TOP1: variants seen among roughly 807,000 people sequenced by gnomAD.
The protein encoded by TOP1 is DNA topoisomerase I.
A neutral mutation model predicts 111.1 loss-of-function variants in TOP1; 10 were observed. The ratio of observed to expected loss-of-function variants is 0.09; its 90% CI spans 0.06 to 0.15. The LOEUF (loss-of-function observed/expected upper bound fraction) is 0.15. Ranked by LOEUF, TOP1 falls within the 10% of genes least tolerant of loss-of-function variation. The pLI, the probability that TOP1 is intolerant of heterozygous loss-of-function variation, is 1.00. For missense variants in TOP1, 474 were observed against 926.7 expected, an observed-to-expected ratio of 0.51 and a Z score of 6.34; for synonymous variants, 271 against 302.9, an observed-to-expected ratio of 0.89 and a Z score of 1.10.
intron 7 of TOP1, 92 bp from the exon 8 acceptor site, chr20:41,084,370 T>G: frequency 1.5e-6 from 1 of 660,298 alleles, no homozygotes; most frequent in Non-Finnish European, 2.6e-6. Flanking sequence ...TACTCTATGA[T>G]TACAATTTTT....
In TOP1 at chr20:41,067,245, G is replaced by A. The variant is rs190262716; in HGVS notation, c.155+5755G>A. ...AGCGATTCTCCTGCCTCAGCCTCCC[G>A]AGTAGCTGGGACTTACAGGCGCCTG... On this transcript the variant is annotated intron_variant, in intron 3 of 20. Transcript: ENST00000361337. The surrounding 1 kb of genome is among the most constrained non-coding windows in gnomAD (Gnocchi z 4.0). Among the ~76,000 whole-genome samples the A allele has an allele frequency of 5.1e-4, 77 of 151,766 alleles. 1 individual carries two copies. Among genetic ancestry groups the A allele is most frequent in the Middle Eastern group, 3.4e-3 (1 of 294 alleles).
chr20:41,059,546 G>A (rs2033519465), intron 2 of TOP1, among the ~76,000 whole-genome samples: 1 of 151,816 alleles, frequency 6.6e-6, no homozygotes, highest in African/African-American at 2.4e-5. Flanking sequence ...TTCGAGAGGA[G>A]CCTGCGTAAC....
intron 2 of TOP1, among the ~76,000 whole-genome samples, chr20:41,048,993 G>GATTAA (rs2033368193): frequency 6.6e-6 from 1 of 152,180 alleles, no homozygotes; most frequent in Admixed American, 6.5e-5. Flanking sequence ...TGGAGAGACA[G>GATTAA]ATTAAGGTAA....
In TOP1 at chr20:41,097,959, T is replaced by C. The variant is rs571322452; in HGVS notation, c.853-256T>C. Among the ~76,000 whole-genome samples the C allele has an allele frequency of 9.2e-5, 14 of 152,326 alleles. No individual in the cohort carries two copies. Among genetic ancestry groups the C allele is most frequent in the Non-Finnish European group, 1.9e-4 (13 of 68,026 alleles). Reference sequence around the variant, plus strand: ...CCTGGGGGCTGTGTGCCACGGAGTCTAAGAAACCACATAAGAATTCATTTT... The same window carrying C: ...CCTGGGGGCTGTGTGCCACGGAGTCCAAGAAACCACATAAGAATTCATTTT... On this transcript the variant is annotated intron_variant, in intron 10 of 20. Transcript: ENST00000361337. The surrounding 1 kb of genome is among the most constrained non-coding windows in gnomAD (Gnocchi z 4.2).
At chr20:41,117,471 C>T (rs1341774111) in intron 17 of TOP1, among the ~76,000 whole-genome samples, 4 of 148,044 alleles carry the variant, frequency 2.7e-5, no homozygotes, top group African/African-American at 7.6e-5. Context: ...CTGCAAGCTC[C>T]GCCTCCTGGG....
At chr20:41,093,009 G>C (rs936211279) in intron 9 of TOP1, among the ~76,000 whole-genome samples, 1 of 152,198 alleles carries the variant, frequency 6.6e-6, no homozygotes, top group Non-Finnish European at 1.5e-5. Flanking sequence ...ATTAGTATAT[G>C]GTCGAGGATT....
Position 41,039,390 on chromosome 20 carries a change from C to T in TOP1, c.58+9935C>T, listed in dbSNP as rs191195280. ...AGTGACGTCTCCATTTAGTCCTAAT[C>T]GTGAGTTTTTCCCCCCTTAAAGAAA... On this transcript the variant is annotated intron_variant, in intron 2 of 20. Coordinates refer to ENST00000361337, the MANE Select transcript of TOP1 (RefSeq NM_003286.4). 1.2e-3 allele frequency among the ~76,000 whole-genome samples: 180 copies of T among 152,242 alleles called. 1 individual carries two copies. The highest frequency in any genetic ancestry group is 4.0e-3 in the African/African-American group (166 of 41,546).
At chr20:41,044,349 T>TA (rs1297870876) in intron 2 of TOP1, among the ~76,000 whole-genome samples, 2 of 152,346 alleles carry the variant, frequency 1.3e-5, no homozygotes, top group Non-Finnish European at 2.9e-5. Flanking sequence ...CAGAGATAAG[T>TA]AAAAAAATTC....
rs531098953 is a variant in TOP1 at position 41,092,237 on chromosome 20, G to C, written c.615-235G>C. Reference sequence around the variant, plus strand: ...CTCTTCTGTCCAGTATTCTTAAACTGAGCTGTTGAAATGTATTTTCCTTTA... The same window carrying C: ...CTCTTCTGTCCAGTATTCTTAAACTCAGCTGTTGAAATGTATTTTCCTTTA... On this transcript the variant is annotated intron_variant, in intron 8 of 20. Coordinates refer to ENST00000361337, the MANE Select transcript of TOP1 (RefSeq NM_003286.4). The surrounding 1 kb of genome is among the most constrained non-coding windows in gnomAD (Gnocchi z 4.3). Among the ~76,000 whole-genome samples the C allele has an allele frequency of 3.6e-4, 55 of 152,312 alleles. No individual in the cohort carries two copies. The highest frequency in any genetic ancestry group is 6.9e-4 in the Non-Finnish European group (47 of 68,038).
At chr20:41,041,809 A>T (rs1440673838) in intron 2 of TOP1, among the ~76,000 whole-genome samples, 1 of 152,152 alleles carries the variant, frequency 6.6e-6, no homozygotes, top group East Asian at 1.9e-4. Flanking sequence ...GAACTTTACT[A>T]TCTTATTTGG....
chr20:41,030,900 C>T lies in TOP1; in HGVS notation c.58+1445C>T, dbSNP rs767097597. 2.0e-5 allele frequency among the ~76,000 whole-genome samples: 3 copies of T among 152,306 alleles called. No homozygotes were observed. The South Asian group carries it at 6.2e-4, about 32-fold the overall frequency. ...GCATTTCTTGAGCACCAGATATGTG[C>T]CAACCACTGTGCTTGGTGCTAGAGC... On this transcript the variant is annotated intron_variant, in intron 2 of 20. Transcript: ENST00000361337. The surrounding 1 kb of genome is among the most constrained non-coding windows in gnomAD (Gnocchi z 4.1).
In TOP1 at chr20:41,098,139, A is replaced by T. The variant is rs2034008115; in HGVS notation, c.853-76A>T. The T allele has an allele frequency of 6.7e-7, 1 of 1,491,440 alleles. No homozygotes were observed. Among genetic ancestry groups the T allele is most frequent in the Non-Finnish European group, 9.3e-7 (1 of 1,072,400 alleles). The allele number at this position is 1,491,440 out of a possible 1,614,324, so 92.4% of individuals were successfully genotyped here. On this transcript the variant is annotated intron_variant, in intron 10 of 20. Transcript: ENST00000361337. The surrounding 1 kb of genome is among the most constrained non-coding windows in gnomAD (Gnocchi z 5.7). The stretch of plus-strand genomic sequence containing the variant: ...GACTGAAAAAATGGTGCTTGGGTGT[A>T]TTTGCAAAGAAACCCAAGGACTTAT...
chr20:41,031,424 G>A (rs564224494), intron 2 of TOP1, among the ~76,000 whole-genome samples: 2 of 152,166 alleles, frequency 1.3e-5, no homozygotes, highest in African/African-American at 2.4e-5. Flanking sequence ...TAACTTACAT[G>A]GTTCTCACCT....
intron 2 of TOP1, among the ~76,000 whole-genome samples, chr20:41,053,499 T>G (rs988260314): frequency 1.3e-5 from 2 of 152,222 alleles, no homozygotes; most frequent in African/African-American, 4.8e-5. Context: ...GCAATCTTAC[T>G]GCCTTACTGC....
intron 3 of TOP1, among the ~76,000 whole-genome samples, chr20:41,063,694 G>A (rs985186729): frequency 2.6e-5 from 4 of 152,134 alleles, no homozygotes; most frequent in Non-Finnish European, 4.4e-5. Context: ...GATTAGGGAC[G>A]TGGAGCATTT....
In TOP1 at chr20:41,097,477, T is replaced by C; in HGVS notation, c.852+136T>C. 7 of 892,962 alleles carry C rather than the reference T, an allele frequency of 7.8e-6. No homozygotes were observed. The South Asian group carries it at 1.1e-4, about 14-fold the overall frequency. 55.3% of individuals were successfully genotyped at this position (892,962 alleles called of 1,614,324 possible). On this transcript the variant is annotated intron_variant, in intron 10 of 20. Coordinates refer to ENST00000361337, the MANE Select transcript of TOP1 (RefSeq NM_003286.4). The surrounding 1 kb of genome is among the most constrained non-coding windows in gnomAD (Gnocchi z 4.2). ...ATTTTGTTGTATTTAAACTTGCGTATTTTTTGTCTTCATTTACTATATTAT... is the reference window on the plus strand; with the variant it reads ...ATTTTGTTGTATTTAAACTTGCGTACTTTTTGTCTTCATTTACTATATTAT...
In TOP1 at chr20:41,124,433, T is replaced by TC. The variant is rs1357512194; in HGVS notation, c.*1139dup. ...AGTATCTTCTATTTTTATCATGAAT[T>TC]CCCTTTTAATCAACTGTAGGTTATT... On this transcript the variant is annotated 3_prime_UTR_variant, in exon 21 of 21. Transcript: ENST00000361337. This position sits in a 1 kb window ranked among gnomAD's most constrained non-coding sequence, Gnocchi z 5.4. The TC allele has an allele frequency of 1.3e-5, 3 of 232,832 alleles. No homozygotes were observed. Among genetic ancestry groups the TC allele is most frequent in the Non-Finnish European group, 1.7e-5 (2 of 117,564 alleles). 14.4% of individuals were successfully genotyped at this position (232,832 alleles called of 1,614,324 possible). A position where few individuals can be genotyped will look rare whatever the true frequency, so the allele number is the denominator to read the frequency against.
chr20:41,065,873 C>T (rs1481292001), intron 3 of TOP1, among the ~76,000 whole-genome samples: 2 of 151,980 alleles, frequency 1.3e-5, no homozygotes, highest in South Asian at 2.1e-4. Context: ...TTTCATTCTC[C>T]GGGGTGTATA....
Position 41,029,413 on chromosome 20 carries a change from C to G in TOP1, c.34-18C>G, listed in dbSNP as rs2033086494. 1 of 1,479,998 alleles carries G rather than the reference C, an allele frequency of 6.8e-7. No individual in the cohort carries two copies. Among genetic ancestry groups the G allele is most frequent in the South Asian group, 1.4e-5 (1 of 73,946 alleles). 91.7% of individuals were successfully genotyped at this position (1,479,998 alleles called of 1,614,324 possible). On this transcript the variant is annotated intron_variant, in intron 1 of 20. Coordinates refer to ENST00000361337, the MANE Select transcript of TOP1 (RefSeq NM_003286.4). This position sits in a 1 kb window ranked among gnomAD's most constrained non-coding sequence, Gnocchi z 6.1. ...TAAAGTGGCTGTTGTTTGATATTCT[C>G]TCCTTTTCTTTTTCCAGATCGAAGC...
Sources: gnomAD v4.1 joint callset for allele counts (sites outside exome capture counted in the v4.1 genomes callset) on GRCh38, gnomAD v4.1.1 for gene constraint, Gnocchi (gnomAD v3.1) non-coding constraint, MANE v1.5 for transcripts, NCBI Gene and HGNC (gene_info 2026-07-23, HGNC 2026-07-21) for gene names.